Variants in BNC1 observed in about 807,000 individuals in gnomAD.
The protein encoded by BNC1 is zinc finger protein basonuclin-1.
A neutral mutation model predicts 66.5 loss-of-function variants in BNC1; 8 were observed. The observed-to-expected ratio is 0.12, with a 90% CI of 0.07 to 0.22. The LOEUF (loss-of-function observed/expected upper bound fraction) is 0.22, where lower values mean the gene tolerates loss of function less well. BNC1 is among the 10% of genes least tolerant of loss of function. BNC1 has a pLI of 1.00. For synonymous variants in BNC1, 454 were observed against 452.6 expected, an observed-to-expected ratio of 1.00 and a Z score of -0.04; for missense variants, 1,069 against 1,241.3, an observed-to-expected ratio of 0.86 and a Z score of 2.09.
chr15:83,262,616 T>C (rs1449031555), intron 4 of BNC1, among the ~76,000 whole-genome samples: 1 of 152,196 alleles, frequency 6.6e-6, no homozygotes, highest in Non-Finnish European at 1.5e-5. Context: ...TTCATGAATG[T>C]TGAAATATGA....
intron 1 of BNC1, among the ~76,000 whole-genome samples, chr15:83,281,359 C>G (rs2038377204): frequency 1.3e-5 from 2 of 152,176 alleles, no homozygotes; most frequent in Non-Finnish European, 2.9e-5. Context: ...GAAACAAAAA[C>G]TCTGCAGTAG....
chr15:83,264,046 C>T lies in BNC1; in HGVS notation c.1205G>A (p.Arg402Gln). The part of the protein sequence containing the change: ...CNMVFSSLRS[R>Q]NRHSANPNPR... Reference sequence around the variant, plus strand: ...GTTGGGGTTGGCGCTATGGCGATTCCGGCTCCTTAGGGAGCTGAACACCAT... The same window carrying T: ...GTTGGGGTTGGCGCTATGGCGATTCTGGCTCCTTAGGGAGCTGAACACCAT... Residue 402 changes from arginine (R) to glutamine (Q), a missense_variant, in exon 4 of 5, where the codon CGG becomes CAG. By Grantham distance (43) the Arg-to-Gln change is conservative (BLOSUM62 1). Around this residue, in one of 7 missense-constraint regions of BNC1, gnomAD observed 82 missense variants for 136.3 expected, o/e 0.60. Coordinates refer to ENST00000345382, the MANE Select transcript of BNC1 (RefSeq NM_001717.4). The T allele has an allele frequency of 1.2e-6, 2 of 1,614,168 alleles. No individual in the cohort carries two copies. Among genetic ancestry groups the T allele is most frequent in the East Asian group, 2.2e-5 (1 of 44,868 alleles).
At chr15:83,282,390 TAA>T (rs1168775188) in intron 1 of BNC1, among the ~76,000 whole-genome samples, 2 of 152,242 alleles carry the variant, frequency 1.3e-5, no homozygotes, top group African/African-American at 4.8e-5. Flanking sequence ...CCAAAAAGAA[TAA>T]AGTTATTTCT....
intron 4 of BNC1, among the ~76,000 whole-genome samples, chr15:83,259,537 A>G (rs1443696397): frequency 6.6e-6 from 1 of 152,200 alleles, no homozygotes; most frequent in African/African-American, 2.4e-5. Context: ...CTTTGCAAGC[A>G]GCCCTTCTTA....
rs143374480 is a variant in BNC1 at position 83,263,542 on chromosome 15, T to G, written c.1709A>C (p.Gln570Pro). 25 of 1,614,134 alleles carry G rather than the reference T, an allele frequency of 1.5e-5. No individual in the cohort carries two copies. In the African/African-American group the frequency reaches 2.5e-4, roughly 16 times the overall value. Residue 570 changes from glutamine to proline, a missense_variant, in exon 4 of 5, where the codon CAG becomes CCG. Gln to Pro is a moderately conservative substitution (Grantham distance 76). Transcript: ENST00000345382. ...NLSSDEDMPL[Q>P]VVSEDEQEAC... Reference sequence around the variant, plus strand: ...CTCCTGCTCATCTTCACTGACCACCTGTAGGGGCATGTCTTCATCTGAGCT... The same window carrying G: ...CTCCTGCTCATCTTCACTGACCACCGGTAGGGGCATGTCTTCATCTGAGCT...
At chr15:83,284,202 G>A (rs1192313398) in intron 1 of BNC1, among the ~76,000 whole-genome samples, 2 of 152,038 alleles carry the variant, frequency 1.3e-5, no homozygotes, top group Admixed American at 1.3e-4. Flanking sequence ...GTGGCGTGTA[G>A]GGTACCCGCC....
In BNC1 at chr15:83,266,986, G is replaced by A. The variant is rs577390746; in HGVS notation, c.285C>T (p.Ser95=). ...VQSNVVFDIS[S]LMLYGTQAIP... is the part of the protein sequence containing the mutation. ...TGGCCTGGGTCCCATAGAGCATGAGGCTGCTAATATCAAACACTACATTGG... is the reference window on the plus strand; with the variant it reads ...TGGCCTGGGTCCCATAGAGCATGAGACTGCTAATATCAAACACTACATTGG... The change falls in exon 3 of 5, where the codon AGC becomes AGT. Residue 95 remains serine, a synonymous_variant. Transcript: ENST00000345382. 1.7e-5 allele frequency: 28 copies of A among 1,614,156 alleles called. No homozygotes were observed. In the Admixed American group the frequency reaches 3.8e-4, roughly 22 times the overall value.
chr15:83,267,916 T>TA (rs901582750), intron 2 of BNC1, among the ~76,000 whole-genome samples: 8 of 152,150 alleles, frequency 5.3e-5, no homozygotes, highest in African/African-American at 1.9e-4. Flanking sequence ...GAAGCACTAG[T>TA]TTCTACATCT....
At chr15:83,262,579 ATTAGG>A (rs140371613) in intron 4 of BNC1, among the ~76,000 whole-genome samples, 4,003 of 152,298 alleles carry the variant, frequency 0.026, 170 homozygotes, top group African/African-American at 0.091. Flanking sequence ...TTGCAGCCAA[ATTAGG>A]TTAGGTTTTT....
chr15:83,269,076 T>C (rs1263829692), intron 1 of BNC1, among the ~76,000 whole-genome samples: 4 of 151,988 alleles, frequency 2.6e-5, no homozygotes, highest in Admixed American at 2.6e-4. Context: ...ATACAAAAAT[T>C]AGCCGGGCAT....
At position 83,284,585 on chromosome 15, in the gene BNC1, C is replaced by T; in HGVS notation, c.44G>A (p.Arg15Gln). ...PPSRGGRGAA[R>Q]ARETRRQPRH... ...GGGCTGCCGGCGCGTCTCCCGGGCC[C>T]GGGCCGCCCCGCGTCCGCCCCGGCT... Residue 15 changes from arginine to glutamine, a missense_variant, in exon 1 of 5, where the codon CGG (arginine) becomes CAG (glutamine). This residue lies in a region of BNC1 where 78 missense variants were observed against 80.9 expected (regional missense o/e 0.96). Coordinates refer to ENST00000345382, the MANE Select transcript of BNC1 (RefSeq NM_001717.4). 9.6e-7 allele frequency: 1 copy of T among 1,041,058 alleles called. No individual in the cohort carries two copies. The highest frequency in any genetic ancestry group is 1.2e-6 in the Non-Finnish European group (1 of 868,112). The allele number at this position is 1,041,058 out of a possible 1,614,324, so 64.5% of individuals were successfully genotyped here. A position where few individuals can be genotyped will look rare whatever the true frequency, so the allele number is the denominator to read the frequency against.
Position 83,263,738 on chromosome 15 carries a change from G to C in BNC1, c.1513C>G (p.Pro505Ala), listed in dbSNP as rs1258295599. Residue 505 changes from proline to alanine, a missense_variant, in exon 4 of 5, where the codon CCT becomes GCT. Coordinates refer to ENST00000345382, the MANE Select transcript of BNC1 (RefSeq NM_001717.4). The part of the protein sequence containing the change: ...PATPAEVANT[P>A]GILPSLPLLS... ...AGCGGGAGGGAAGGGAGTATCCCAG[G>C]CGTGTTTGCTACCTCGGCAGGCGTG... is the stretch of plus-strand genomic sequence containing the variant. 6.2e-7 allele frequency: 1 copy of C among 1,614,234 alleles called. No individual in the cohort carries two copies. The highest frequency in any genetic ancestry group is 1.3e-5 in the African/African-American group (1 of 75,046).
chr15:83,267,918 T>C (rs573152574), intron 2 of BNC1, among the ~76,000 whole-genome samples: 99 of 152,326 alleles, frequency 6.5e-4, no homozygotes, highest in African/African-American at 2.3e-3. Flanking sequence ...AGCACTAGTT[T>C]CTACATCTTT....
At chr15:83,262,140 C>T (rs1176905149) in intron 4 of BNC1, among the ~76,000 whole-genome samples, 3 of 150,346 alleles carry the variant, frequency 2.0e-5, no homozygotes, top group South Asian at 2.1e-4. Flanking sequence ...CTCTGCCTCT[C>T]GGGTTCAAAC....
chr15:83,283,515 G>C (rs909230177), intron 1 of BNC1: 1 of 985,250 alleles, frequency 1.0e-6, no homozygotes, highest in Non-Finnish European at 1.2e-6. Context: ...CAGGCTGGGC[G>C]GGACTGTTAA....
Position 83,263,548 on chromosome 15 carries a change from G to A in BNC1, c.1703C>T (p.Pro568Leu), listed in dbSNP as rs756377365. ...RHNLSSDEDMPLQVVSEDEQE... is the reference protein window; with the variant it reads ...RHNLSSDEDMLLQVVSEDEQE... The stretch of plus-strand genomic sequence containing the variant: ...CTCATCTTCACTGACCACCTGTAGG[G>A]GCATGTCTTCATCTGAGCTGAGGTT... Residue 568 changes from proline (P) to leucine (L), a missense_variant, in exon 4 of 5, where the codon CCC becomes CTC. This residue lies in a region of BNC1 where 657 missense variants were observed against 715.8 expected (regional missense o/e 0.92). Coordinates refer to ENST00000345382, the MANE Select transcript of BNC1 (RefSeq NM_001717.4). 1.2e-6 allele frequency: 2 copies of A among 1,614,212 alleles called. No homozygotes were observed. The highest frequency in any genetic ancestry group is 1.7e-6 in the Non-Finnish European group (2 of 1,180,050).
intron 4 of BNC1, among the ~76,000 whole-genome samples, chr15:83,262,286 T>C (rs1362242446): frequency 6.6e-6 from 1 of 152,042 alleles, no homozygotes; most frequent in Non-Finnish European, 1.5e-5. Flanking sequence ...CTCTTGACCT[T>C]GTGATCTGCC....
chr15:83,265,766 A>G (rs1479480157), intron 3 of BNC1, among the ~76,000 whole-genome samples: 1 of 152,174 alleles, frequency 6.6e-6, no homozygotes, highest in African/African-American at 2.4e-5. Context: ...TAGTGAAATG[A>G]CTTTCAGCAT....
At chr15:83,276,590 A>G (rs1197841717) in intron 1 of BNC1, among the ~76,000 whole-genome samples, 4 of 152,224 alleles carry the variant, frequency 2.6e-5, no homozygotes, top group African/African-American at 9.6e-5. Flanking sequence ...ATGGTATACA[A>G]TACAAATTGT....
Sources: allele counts gnomAD v4.1 joint callset (sites outside exome capture counted in the v4.1 genomes callset), GRCh38; gene constraint gnomAD v4.1.1; regional missense constraint gnomAD v4.1.1; transcripts MANE v1.5; gene names NCBI Gene and HGNC (gene_info 2026-07-23, HGNC 2026-07-21).